ERC2: variants seen among roughly 807,000 people sequenced by gnomAD.
ERC2 encodes ERC protein 2.
In ERC2, 42 loss-of-function variants were observed where a neutral mutation model predicts 114.8. The observed-to-expected ratio is 0.37, with a 90% CI of 0.29 to 0.47. The LOEUF is 0.47. Ranked by LOEUF, ERC2 falls within the 20% of genes least tolerant of loss-of-function variation. The pLI is 0.99. For synonymous variants in ERC2, 454 were observed against 425.5 expected (o/e 1.07, Z -0.82); for missense variants, 939 against 1,150.7 (o/e 0.82, Z 2.66).
chr3:55,723,775 C>G (rs995546223), intron 15 of ERC2, among the ~76,000 whole-genome samples: 2 of 152,150 alleles, frequency 1.3e-5, no homozygotes, highest in Non-Finnish European at 2.9e-5. Flanking sequence ...CTGGTGTGCA[C>G]CACAATGGTG....
At chr3:56,173,639 G>T in intron 3 of ERC2, 119 bp from the exon 4 acceptor site, 1 of 800,194 alleles carries the variant, frequency 1.2e-6, no homozygotes, top group Non-Finnish European at 2.0e-6. Flanking sequence ...ACATAAACAA[G>T]CCACAGGTGT....
intron 14 of ERC2, among the ~76,000 whole-genome samples, chr3:55,805,792 T>C (rs1575657143): frequency 6.6e-6 from 1 of 152,272 alleles, no homozygotes; most frequent in South Asian, 2.1e-4. Flanking sequence ...AATTCTTCCT[T>C]GATACTTTCC....
intron 6 of ERC2, among the ~76,000 whole-genome samples, chr3:56,103,278 G>T (rs898470143): frequency 6.6e-6 from 1 of 152,178 alleles, no homozygotes; most frequent in Non-Finnish European, 1.5e-5. Flanking sequence ...GTGAAGTGGG[G>T]ACAGTGGAGA....
chr3:56,337,212 A>T (rs2057892769), intron 2 of ERC2, among the ~76,000 whole-genome samples: 1 of 152,184 alleles, frequency 6.6e-6, no homozygotes. Flanking sequence ...GGAAAACCGG[A>T]TCTTCTTTAA....
At chr3:55,816,618 C>A (rs2149140271) in intron 14 of ERC2, among the ~76,000 whole-genome samples, 1 of 152,324 alleles carries the variant, frequency 6.6e-6, no homozygotes, top group Non-Finnish European at 1.5e-5. Context: ...GATGCAATCT[C>A]ATTTCCGCAC....
chr3:55,793,929 T>G (rs1282061197), intron 14 of ERC2, among the ~76,000 whole-genome samples: 4 of 152,192 alleles, frequency 2.6e-5, no homozygotes, highest in Non-Finnish European at 5.9e-5. Context: ...TGCCTAGATA[T>G]AGAAATAGTG....
intron 17 of ERC2, chr3:55,647,128 C>T (rs2060428650): frequency 6.6e-6 from 1 of 152,174 alleles, no homozygotes; most frequent in Non-Finnish European, 1.5e-5. Context: ...AACAAAAATC[C>T]TCTGTAGGTT....
chr3:56,069,996 A>G (rs1198379806), intron 7 of ERC2, among the ~76,000 whole-genome samples: 1 of 152,210 alleles, frequency 6.6e-6, no homozygotes, highest in Non-Finnish European at 1.5e-5. Context: ...GTAACTGTGA[A>G]GCAATATGCC....
At chr3:55,627,209 T>C (rs2059553148) in intron 17 of ERC2, among the ~76,000 whole-genome samples, 2 of 152,252 alleles carry the variant, frequency 1.3e-5, no homozygotes, top group Admixed American at 6.5e-5. Flanking sequence ...GGCTCACGCC[T>C]GTAATCCCAG....
intron 15 of ERC2, among the ~76,000 whole-genome samples, chr3:55,709,019 C>A (rs2148850138): frequency 6.6e-6 from 1 of 152,286 alleles, no homozygotes; most frequent in South Asian, 2.1e-4. Flanking sequence ...CATTTTCATT[C>A]CATTCATAAT....
chr3:56,368,611 C>T (rs1287543737), intron 2 of ERC2, among the ~76,000 whole-genome samples: 1 of 152,144 alleles, frequency 6.6e-6, no homozygotes, highest in African/African-American at 2.4e-5. Flanking sequence ...ATTGGCTATC[C>T]TCCTATGAAT....
chr3:56,046,880 T>A (rs1214388642), intron 7 of ERC2, among the ~76,000 whole-genome samples: 1 of 152,192 alleles, frequency 6.6e-6, no homozygotes, highest in Non-Finnish European at 1.5e-5. Flanking sequence ...GCAGTAACCA[T>A]CTGCATTTAA....
intron 10 of ERC2, among the ~76,000 whole-genome samples, chr3:55,995,170 T>C (rs752236948): frequency 6.6e-6 from 1 of 152,070 alleles, no homozygotes; most frequent in Non-Finnish European, 1.5e-5. Flanking sequence ...CCATCTCTAC[T>C]AAAAATACAA....
intron 17 of ERC2, among the ~76,000 whole-genome samples, chr3:55,536,984 G>C (rs1454025305): frequency 6.6e-6 from 1 of 152,186 alleles, no homozygotes; most frequent in Non-Finnish European, 1.5e-5. Context: ...TGCTGACAGA[G>C]GGCAAAAGAA....
chr3:55,991,144 A>G (rs1461736215), intron 11 of ERC2, among the ~76,000 whole-genome samples: 1 of 152,176 alleles, frequency 6.6e-6, no homozygotes, highest in Non-Finnish European at 1.5e-5. Context: ...TCTTTCCACA[A>G]GATGATAGAG....
At chr3:56,239,427 AC>A (rs1402288869) in intron 3 of ERC2, among the ~76,000 whole-genome samples, 1 of 152,082 alleles carries the variant, frequency 6.6e-6, no homozygotes, top group Non-Finnish European at 1.5e-5. Context: ...AATTGCTTGA[AC>A]CCAGGTGGCA....
At position 55,682,461 on chromosome 3, in the gene ERC2, C is replaced by T. The variant is rs2062104029; in HGVS notation, c.*39+1333G>A. On this transcript the variant is annotated intron_variant, in intron 17 of 17. Coordinates refer to ENST00000288221, the MANE Select transcript of ERC2 (RefSeq NM_015576.3). Reference sequence around the variant, plus strand: ...AGATGTCGTACCTGAAAACCACCATCCTGTGAACTGCCCCCTCAGTACCAA... The same window carrying T: ...AGATGTCGTACCTGAAAACCACCATTCTGTGAACTGCCCCCTCAGTACCAA... Among the ~76,000 whole-genome samples the T allele has an allele frequency of 2.0e-5, 3 of 152,246 alleles. No homozygotes were observed. The South Asian group carries it at 6.2e-4, about 32-fold the overall frequency.
intron 3 of ERC2, among the ~76,000 whole-genome samples, chr3:56,217,870 C>G (rs6770764): frequency 0.44 from 65,533 of 148,844 alleles, 14,240 homozygotes; most frequent in East Asian, 0.69. Flanking sequence ...ACAAACCTGA[C>G]AAAAACAGGA....
At chr3:55,658,732 T>C (rs1234723122) in intron 17 of ERC2, 1 of 152,698 alleles carries the variant, frequency 6.5e-6, no homozygotes, top group African/African-American at 2.4e-5. Flanking sequence ...ACCATTGCTG[T>C]GCAAGTGAAT....
Sources: allele counts gnomAD v4.1 joint callset (sites outside exome capture counted in the v4.1 genomes callset), GRCh38; gene constraint gnomAD v4.1.1; transcripts MANE v1.5; gene names NCBI Gene and HGNC (gene_info 2026-07-23, HGNC 2026-07-21).